The following CCDC171 variants were observed in gnomAD, a reference collection of about 807,000 sequenced individuals.
CCDC171 encodes the protein coiled-coil domain-containing protein 171.
Under a neutral mutation model 168.2 loss-of-function variants are expected in CCDC171, and 177 were observed. That is an observed-to-expected ratio of 1.05 (90% CI 0.93 to 1.19). The LOEUF is 1.19. Among genes scored for constraint, CCDC171 ranks in the 50% most tolerant of loss-of-function variants. The pLI, the probability that CCDC171 is intolerant of heterozygous loss-of-function variation, is 0.00. For synonymous variants in CCDC171, 687 were observed against 540.8 expected, an observed-to-expected ratio of 1.27 and a Z score of -3.75; for missense variants, 1,991 against 1,539.0, an observed-to-expected ratio of 1.29 and a Z score of -4.91.
the CCDC171 span, among the ~76,000 whole-genome samples, chr9:16,098,292 G>A: frequency 6.6e-6 from 1 of 152,158 alleles, no homozygotes; most frequent in Non-Finnish European, 1.5e-5. Context: ...GTGCTTTAAA[G>A]TGTTTAAAAT....
At chr9:15,869,678 A>T (rs1407860669) in intron 23 of CCDC171, among the ~76,000 whole-genome samples, 1 of 151,794 alleles carries the variant, frequency 6.6e-6, no homozygotes, top group Non-Finnish European at 1.5e-5. Flanking sequence ...ATAAGTGGTC[A>T]GTAGTTGTGA....
At chr9:15,801,378 G>C (rs1321877210) in intron 21 of CCDC171, among the ~76,000 whole-genome samples, 2 of 151,838 alleles carry the variant, frequency 1.3e-5, no homozygotes, top group Non-Finnish European at 2.9e-5. Flanking sequence ...TATGGCTATG[G>C]TAAATGGGAT....
At chr9:15,690,449 T>C (rs1268982971) in intron 10 of CCDC171, among the ~76,000 whole-genome samples, 1 of 152,172 alleles carries the variant, frequency 6.6e-6, no homozygotes, top group Non-Finnish European at 1.5e-5. Context: ...ATAGATTATC[T>C]CACAAATAGT....
intron 11 of CCDC171, 151 bp downstream of exon 11, chr9:15,695,488 G>A (rs1348965677): frequency 1.5e-6 from 1 of 645,220 alleles, no homozygotes; most frequent in Non-Finnish European, 2.8e-6. Flanking sequence ...CAGTCAGTTG[G>A]CCTAGCTGGC....
At chr9:15,602,647 C>CT (rs1161286304) in intron 6 of CCDC171, among the ~76,000 whole-genome samples, 816 of 30,456 alleles carry the variant, frequency 0.027, 50 homozygotes, top group South Asian at 0.055. Flanking sequence ...TTTTTTTTTT[C>CT]TTTTTTTTTT....
chr9:16,002,462 A>T (rs966822776), intron 3 of CCDC171, among the ~76,000 whole-genome samples: 9 of 152,162 alleles, frequency 5.9e-5, no homozygotes, highest in African/African-American at 2.2e-4. Context: ...GAATAAGGAT[A>T]TAAGAAAGAA....
Position 15,782,003 on chromosome 9 carries a change from C to A in CCDC171, c.3082-2506C>A, listed in dbSNP as rs1295715846. Among the ~76,000 whole-genome samples the A allele has an allele frequency of 2.0e-5, 3 of 152,150 alleles. No individual in the cohort carries two copies. In the East Asian group the frequency reaches 5.8e-4, roughly 29 times the overall value. On this transcript the variant is annotated intron_variant, in intron 20 of 25. Coordinates refer to ENST00000380701, the MANE Select transcript of CCDC171 (RefSeq NM_173550.4). ...GTGGCTCTAAAACTCATGCTTTTAT[C>A]CACTTCATTACAGTGGTTAGTGTTG... is the stretch of plus-strand genomic sequence containing the variant.
At position 15,989,209 on chromosome 9, in the gene CCDC171, G is replaced by C. The variant is rs983311420; in HGVS notation, n.369-31380G>C. On this transcript the variant is annotated intron_variant and non_coding_transcript_variant, in intron 3 of 9. Coordinates refer to the CCDC171 transcript ENST00000486641. ...GGGCAGACTGACACACCACACGGCA[G>C]GGTACTGCTCTGAGACGAAGCTTCC... Among the ~76,000 whole-genome samples, 5 of 152,296 alleles carry C rather than the reference G, an allele frequency of 3.3e-5. No homozygotes were observed. In the Middle Eastern group the frequency reaches 0.01, roughly 311 times the overall value.
chr9:15,570,870 C>T lies in CCDC171; in HGVS notation c.42-754C>T, dbSNP rs538214912. ...ATCTAATGTCTTCTGATCCAGAGAC[C>T]GTCTGTTTTATCCTCTCCAGGGAAT... On this transcript the variant is annotated intron_variant, in intron 2 of 25. Coordinates refer to ENST00000380701, the MANE Select transcript of CCDC171 (RefSeq NM_173550.4). Among the ~76,000 whole-genome samples, 7 of 152,178 alleles carry T rather than the reference C, an allele frequency of 4.6e-5. No individual in the cohort carries two copies. The South Asian group carries it at 1.0e-3, about 23-fold the overall frequency.
intron 9 of CCDC171, among the ~76,000 whole-genome samples, chr9:15,667,275 A>T (rs192032742): frequency 9.4e-4 from 143 of 152,298 alleles, no homozygotes; most frequent in African/African-American, 3.2e-3. Flanking sequence ...TTAGAATTAT[A>T]TTTTAATCTT....
intron 14 of CCDC171, among the ~76,000 whole-genome samples, chr9:15,725,513 G>C (rs548475121): frequency 1.3e-5 from 2 of 151,898 alleles, no homozygotes; most frequent in Non-Finnish European, 1.5e-5. Flanking sequence ...GCAGTGGTGC[G>C]ATCTGGGCTC....
chr9:15,650,388 T>C (rs140143262), intron 7 of CCDC171, among the ~76,000 whole-genome samples: 1 of 152,026 alleles, frequency 6.6e-6, no homozygotes. Context: ...CCCTAGAACT[T>C]AAAGTATAAT....
At chr9:15,740,709 G>T (rs534291972) in intron 16 of CCDC171, among the ~76,000 whole-genome samples, 6 of 152,104 alleles carry the variant, frequency 3.9e-5, no homozygotes, top group African/African-American at 1.4e-4. Context: ...CAAAGTGCTG[G>T]GATTACAGGC....
chr9:16,010,199 T>C (rs1832829533), intron 3 of CCDC171, among the ~76,000 whole-genome samples: 1 of 152,176 alleles, frequency 6.6e-6, no homozygotes, highest in South Asian at 2.1e-4. Flanking sequence ...CTCTCCATGG[T>C]ACCTAGCCCA....
chr9:15,911,935 G>T (rs563790343), intron 24 of CCDC171, among the ~76,000 whole-genome samples: 3 of 152,178 alleles, frequency 2.0e-5, no homozygotes, highest in African/African-American at 7.2e-5. Flanking sequence ...GTACCATGCC[G>T]TTTTGGTTAC....
intron 18 of CCDC171, among the ~76,000 whole-genome samples, chr9:15,755,980 C>T (rs569250293): frequency 6.6e-6 from 1 of 152,266 alleles, no homozygotes; most frequent in African/African-American, 2.4e-5. Context: ...AAAGCTGTTA[C>T]AGATGTGAAG....
intron 16 of CCDC171, among the ~76,000 whole-genome samples, chr9:15,738,168 CA>C (rs1192923138): frequency 6.6e-6 from 1 of 152,106 alleles, no homozygotes; most frequent in Non-Finnish European, 1.5e-5. Context: ...AAGAGTGATA[CA>C]AAAGAATTTT....
the CCDC171 span, among the ~76,000 whole-genome samples, chr9:16,070,838 G>C: frequency 6.6e-6 from 1 of 152,192 alleles, no homozygotes; most frequent in African/African-American, 2.4e-5. Context: ...GTTTTTATGT[G>C]GAAGTTGTGT....
chr9:15,622,358 T>C (rs1323864102), intron 6 of CCDC171, among the ~76,000 whole-genome samples: 1 of 152,230 alleles, frequency 6.6e-6, no homozygotes, highest in African/African-American at 2.4e-5. Flanking sequence ...ATCTCTTCAC[T>C]GTGGACTTAG....
Sources: allele counts gnomAD v4.1 joint callset (sites outside exome capture counted in the v4.1 genomes callset), GRCh38; gene constraint gnomAD v4.1.1; transcripts MANE v1.5; gene names NCBI Gene and HGNC (gene_info 2026-07-23, HGNC 2026-07-21).